PCSK5: variants seen among roughly 807,000 people sequenced by gnomAD.
PCSK5 encodes prohormone convertase 5.
PCSK5 carries 129 observed loss-of-function variants against 233.2 expected under a neutral mutation model. That is an observed-to-expected ratio of 0.55 (90% CI 0.48 to 0.64). PCSK5 has a LOEUF of 0.64. Among genes scored for constraint, PCSK5 ranks in the 30% least tolerant of loss-of-function variants. The probability of loss-of-function intolerance (pLI) is 0.00; values close to 1 mark genes in which losing one functional copy is unlikely to be tolerated. For synonymous variants in PCSK5, 825 were observed against 879.2 expected (o/e 0.94, Z 1.09); for missense variants, 2,076 against 2,430.1 (o/e 0.85, Z 3.06).
At position 76,292,637 on chromosome 9, in the gene PCSK5, C is replaced by T. The variant is rs1419592627; in HGVS notation, c.3185+362C>T. On this transcript the variant is annotated intron_variant, in intron 25 of 37. Coordinates refer to ENST00000674117, the MANE Select transcript of PCSK5 (RefSeq NM_001372043.1). ...ATGGATACTGCGTCCTTAACCAGAG[C>T]GAAGGCTCCAGGGTGAAGCCAGGTG... 4.6e-5 allele frequency among the ~76,000 whole-genome samples: 7 copies of T among 152,270 alleles called. No individual in the cohort carries two copies. The East Asian group carries it at 5.8e-4, about 13-fold the overall frequency.
At chr9:75,927,273 T>G (rs933885268) in intron 1 of PCSK5, among the ~76,000 whole-genome samples, 20 of 152,274 alleles carry the variant, frequency 1.3e-4, no homozygotes, top group Admixed American at 6.5e-5. Flanking sequence ...GCCCCTTTGG[T>G]TAATTTGTTT....
intron 20 of PCSK5, chr9:76,194,097 T>C (rs1564098691): frequency 6.6e-6 from 1 of 152,444 alleles, no homozygotes. Flanking sequence ...GGGATTGCTC[T>C]GTATAGTCAA....
At chr9:76,339,593 G>A (rs1829773715) in intron 35 of PCSK5, among the ~76,000 whole-genome samples, 1 of 152,114 alleles carries the variant, frequency 6.6e-6, no homozygotes, top group African/African-American at 2.4e-5. Context: ...CGCCCAGGCT[G>A]GAGTGCAGTG....
rs537589430 is a variant in PCSK5, at chr9:76,166,131, T to C, written c.1620-3573T>C. 4.6e-5 allele frequency among the ~76,000 whole-genome samples: 7 copies of C among 152,328 alleles called. No individual in the cohort carries two copies. The South Asian group carries it at 1.4e-3, about 32-fold the overall frequency. ...AGCAATGTAAAGCCCAGTTAGGTGA[T>C]ACAACAACCATTGGTGCCTGTTTTT... On this transcript the variant is annotated intron_variant, in intron 12 of 37. Transcript: ENST00000674117.
intron 20 of PCSK5, among the ~76,000 whole-genome samples, chr9:76,213,067 T>C (rs1438773093): frequency 3.3e-5 from 5 of 152,224 alleles, no homozygotes; most frequent in Non-Finnish European, 7.3e-5. Flanking sequence ...AGGCAGGACA[T>C]GTATCATTGT....
At chr9:76,354,325 A>G in intron 37 of PCSK5, 106 bp downstream of exon 37, 1 of 839,576 alleles carries the variant, frequency 1.2e-6, no homozygotes, top group Non-Finnish European at 1.8e-6. Context: ...CAATATGGCT[A>G]CCTTTTTATT....
chr9:76,345,201 TTTTATTTTATTTTAC>T (rs1234569559), intron 35 of PCSK5, among the ~76,000 whole-genome samples: 113 of 126,058 alleles, frequency 9.0e-4, no homozygotes, highest in African/African-American at 3.3e-3. Flanking sequence ...TTTTATTTTA[TTTTATTTTATTTTAC>T]TTTATTTTAT....
intron 5 of PCSK5, among the ~76,000 whole-genome samples, chr9:76,045,770 G>A (rs1829345423): frequency 6.6e-6 from 1 of 152,108 alleles, no homozygotes; most frequent in Non-Finnish European, 1.5e-5. Context: ...CTATCCCTAT[G>A]GTGGGCACTG....
intron 3 of PCSK5, among the ~76,000 whole-genome samples, chr9:76,020,887 T>TA (rs1185280329): frequency 6.6e-6 from 1 of 152,154 alleles, no homozygotes; most frequent in Non-Finnish European, 1.5e-5. Context: ...TCACAATCGA[T>TA]ACCGCAGGTG....
At chr9:76,173,005 G>A (rs897788833) in intron 13 of PCSK5, among the ~76,000 whole-genome samples, 3 of 152,190 alleles carry the variant, frequency 2.0e-5, no homozygotes, top group Non-Finnish European at 2.9e-5. Flanking sequence ...ATGAATAGGA[G>A]ATAATTTTGT....
intron 3 of PCSK5, among the ~76,000 whole-genome samples, chr9:76,008,146 G>T (rs1827563606): frequency 6.6e-6 from 1 of 151,924 alleles, no homozygotes; most frequent in Non-Finnish European, 1.5e-5. Context: ...CTGGGCTTCT[G>T]CTTCCTTTTA....
chr9:76,146,242 T>A (rs1297150756), intron 10 of PCSK5, among the ~76,000 whole-genome samples: 3 of 152,138 alleles, frequency 2.0e-5, no homozygotes, highest in Non-Finnish European at 2.9e-5. Context: ...GCTATTGTGA[T>A]CACTGCTGGA....
At chr9:76,344,974 A>C (rs746720112) in intron 35 of PCSK5, among the ~76,000 whole-genome samples, 2 of 152,154 alleles carry the variant, frequency 1.3e-5, no homozygotes, top group African/African-American at 2.4e-5. Flanking sequence ...AAAAACAACA[A>C]ATTTTTTTCA....
At chr9:75,902,573 G>C (rs752496665) in intron 1 of PCSK5, among the ~76,000 whole-genome samples, 26 of 152,180 alleles carry the variant, frequency 1.7e-4, no homozygotes, top group Non-Finnish European at 3.5e-4. Flanking sequence ...ATAAGGTCCA[G>C]GGTATGGAGA....
chr9:75,933,368 T>C (rs12685831), intron 2 of PCSK5, among the ~76,000 whole-genome samples: 31,875 of 152,060 alleles, frequency 0.21, 3,791 homozygotes, highest in African/African-American at 0.32. Flanking sequence ...CCCTGTGTAT[T>C]ATTGATTGTA....
intron 1 of PCSK5, among the ~76,000 whole-genome samples, chr9:75,893,975 C>T (rs1216740354): frequency 6.6e-6 from 1 of 152,176 alleles, no homozygotes; most frequent in African/African-American, 2.4e-5. Flanking sequence ...CTTATTCATC[C>T]TTTACTGCTC....
chr9:76,297,772 G>A (rs1828487231), intron 27 of PCSK5, among the ~76,000 whole-genome samples: 1 of 152,184 alleles, frequency 6.6e-6, no homozygotes, highest in Non-Finnish European at 1.5e-5. Flanking sequence ...GCCGAAGAGA[G>A]TGCTGTACAG....
chr9:76,322,930 A>G (rs956397685), intron 31 of PCSK5, 122 bp from the exon 32 acceptor site: 6 of 632,744 alleles, frequency 9.5e-6, no homozygotes, highest in Non-Finnish European at 1.7e-5. Flanking sequence ...GGGTGGGTAA[A>G]GGGCAAGCAT....
At position 76,359,955 on chromosome 9, in the gene PCSK5, C is replaced by T. The variant is rs963783853; in HGVS notation, c.*1033C>T. 1 of 152,126 alleles carries T rather than the reference C, an allele frequency of 6.6e-6. No individual in the cohort carries two copies. The highest frequency in any genetic ancestry group is 1.5e-5 in the Non-Finnish European group (1 of 68,022). 9.4% of individuals were successfully genotyped at this position (152,126 alleles called of 1,614,324 possible). ...GCTGCTGACCAGCCTTCCAGCACTG[C>T]TCATCACTATGATTTTTGTTTCTAG... On this transcript the variant is annotated 3_prime_UTR_variant, in exon 38 of 38. Transcript: ENST00000674117.
Sources: allele counts gnomAD v4.1 joint callset (sites outside exome capture counted in the v4.1 genomes callset), GRCh38; gene constraint gnomAD v4.1.1; transcripts MANE v1.5; gene names NCBI Gene and HGNC (gene_info 2026-07-23, HGNC 2026-07-21).